The following RPH3A variants were observed in gnomAD, a reference collection of about 807,000 sequenced individuals.
The protein encoded by RPH3A is rabphilin 3A.
In RPH3A, 48 loss-of-function variants were observed where a neutral mutation model predicts 102.2. The observed-to-expected ratio is 0.47, with a 90% CI of 0.37 to 0.60. The LOEUF is 0.60. Ranked by LOEUF, RPH3A falls within the 20% of genes least tolerant of loss-of-function variation. The probability of loss-of-function intolerance (pLI) is 0.00; values close to 1 mark genes in which losing one functional copy is unlikely to be tolerated. For synonymous variants in RPH3A, 310 were observed against 324.3 expected (o/e 0.96, Z 0.47); for missense variants, 781 against 910.1 (o/e 0.86, Z 1.83).
intron 1 of RPH3A, among the ~76,000 whole-genome samples, chr12:112,737,733 G>C (rs185048629): frequency 2.0e-5 from 3 of 152,258 alleles, no homozygotes; most frequent in South Asian, 2.1e-4. Context: ...CATAGACCCA[G>C]GGTTAAGGAC....
intron 1 of RPH3A, among the ~76,000 whole-genome samples, chr12:112,640,968 G>GAAAT (rs2039885796): frequency 6.6e-6 from 1 of 152,104 alleles, no homozygotes; most frequent in Non-Finnish European, 1.5e-5. Flanking sequence ...TGTGTGTCTG[G>GAAAT]GGCATGGAAA....
chr12:112,668,026 C>A (rs2040100107), intron 1 of RPH3A, among the ~76,000 whole-genome samples: 1 of 152,224 alleles, frequency 6.6e-6, no homozygotes, highest in African/African-American at 2.4e-5. Context: ...GAAGTCTTCT[C>A]TGACTTCCCT....
intron 18 of RPH3A, 111 bp downstream of exon 18, chr12:112,890,191 A>AC: frequency 3.2e-6 from 3 of 938,924 alleles, no homozygotes; most frequent in Middle Eastern, 3.3e-4. Flanking sequence ...TCTTCCAACC[A>AC]CCCCCCTGTT....
chr12:112,792,943 C>T (rs763057310), intron 2 of RPH3A, among the ~76,000 whole-genome samples: 35 of 152,020 alleles, frequency 2.3e-4, no homozygotes, highest in South Asian at 6.3e-4. Flanking sequence ...TCACAGGTGG[C>T]GTAACCTGTA....
chr12:112,663,423 A>G (rs1053690475), intron 1 of RPH3A, among the ~76,000 whole-genome samples: 2 of 152,044 alleles, frequency 1.3e-5, no homozygotes, highest in African/African-American at 4.8e-5. Context: ...CATGTTGCCC[A>G]GGATGGTCTT....
rs529540858 is a variant in RPH3A, at chr12:112,797,521, C to T, written c.-19+5258C>T. On this transcript the variant is annotated intron_variant, in intron 2 of 21. Transcript: ENST00000389385. ...GGAGTGTGACCTGGATTTAGCATGT[C>T]GCTCCCATTCCCTGCTAACCTCAGA... Among the ~76,000 whole-genome samples, 9 of 152,070 alleles carry T rather than the reference C, an allele frequency of 5.9e-5. No homozygotes were observed. The South Asian group carries it at 6.3e-4, about 11-fold the overall frequency.
intron 1 of RPH3A, among the ~76,000 whole-genome samples, chr12:112,662,841 G>A (rs1478013947): frequency 6.6e-6 from 1 of 151,600 alleles, no homozygotes. Context: ...TTACAGTCCT[G>A]TTAATCATGG....
rs143619518 is a variant in RPH3A at position 112,867,245 on chromosome 12, T to C, written c.444+405T>C. Among the ~76,000 whole-genome samples the C allele has an allele frequency of 3.5e-3, 539 of 152,260 alleles. 3 individuals carry two copies. The highest frequency in any genetic ancestry group is 0.012 in the African/African-American group (483 of 41,544). On this transcript the variant is annotated intron_variant, in intron 7 of 21. Coordinates refer to ENST00000389385, the MANE Select transcript of RPH3A (RefSeq NM_001143854.2). ...TTCTCCCCTTTCCTCATTTTGTTAT[T>C]TCTCACATCTTCACACCCTTTTCTC...
Position 112,876,784 on chromosome 12 carries a change from C to T in RPH3A, c.1089C>T (p.Ala363=). Residue 363 remains alanine (A), a synonymous_variant, in exon 13 of 22, where the codon GCC becomes GCT. Coordinates refer to ENST00000389385, the MANE Select transcript of RPH3A (RefSeq NM_001143854.2). ...SGPYSQASAA[A]PQPAAARQPP... ...CCTATTCCCAAGCATCTGCAGCTGC[C>T]CCCCAGCCTGCTGCAGCCCGCCAGC... is the stretch of plus-strand genomic sequence containing the variant. The T allele has an allele frequency of 6.2e-7, 1 of 1,610,842 alleles. No individual in the cohort carries two copies. Among genetic ancestry groups the T allele is most frequent in the Non-Finnish European group, 8.5e-7 (1 of 1,178,604 alleles).
chr12:112,745,191 C>T (rs2040735971), intron 1 of RPH3A, among the ~76,000 whole-genome samples: 2 of 152,146 alleles, frequency 1.3e-5, no homozygotes, highest in African/African-American at 4.8e-5. Context: ...TCAGGTTGTG[C>T]ATTTTTGGCA....
At chr12:112,863,564 A>C (rs570211566) in intron 5 of RPH3A, among the ~76,000 whole-genome samples, 1 of 152,328 alleles carries the variant, frequency 6.6e-6, no homozygotes, top group East Asian at 1.9e-4. Flanking sequence ...AGGTAATCCA[A>C]CAACTTGGCC....
rs2041491559 is a variant in RPH3A, at chr12:112,807,473, T to C, written c.-19+15210T>C. On this transcript the variant is annotated intron_variant, in intron 2 of 21. Coordinates refer to ENST00000389385, the MANE Select transcript of RPH3A (RefSeq NM_001143854.2). ...AGTAGAGGAAGGGGGTAGAAATAAT[T>C]GCTCATCTATCTGTGTTCAGGTTCC... Among the ~76,000 whole-genome samples the C allele has an allele frequency of 2.6e-5, 4 of 152,252 alleles. No individual in the cohort carries two copies. In the South Asian group the frequency reaches 8.3e-4, roughly 32 times the overall value.
intron 1 of RPH3A, among the ~76,000 whole-genome samples, chr12:112,736,612 G>T (rs1326655814): frequency 6.6e-6 from 1 of 152,174 alleles, no homozygotes; most frequent in East Asian, 1.9e-4. Context: ...TAAGAACAGT[G>T]ACCACCTCAT....
intron 2 of RPH3A, among the ~76,000 whole-genome samples, chr12:112,816,052 G>A (rs968456642): frequency 1.3e-5 from 2 of 152,168 alleles, no homozygotes; most frequent in Admixed American, 1.3e-4. Flanking sequence ...AAAGTTTTGG[G>A]TTCCCCTATC....
chr12:112,673,961 G>A (rs1192101976), intron 1 of RPH3A, among the ~76,000 whole-genome samples: 1 of 152,144 alleles, frequency 6.6e-6, no homozygotes, highest in African/African-American at 2.4e-5. Context: ...TTCTTGTTAT[G>A]TTGTCCAGAC....
At chr12:112,820,934 G>A (rs1000553145) in intron 2 of RPH3A, among the ~76,000 whole-genome samples, 7 of 152,208 alleles carry the variant, frequency 4.6e-5, no homozygotes, top group Admixed American at 3.3e-4. Context: ...GACCTCCCAG[G>A]CCTGTCTCTG....
chr12:112,610,173 T>C (rs1430728801), intron 1 of RPH3A, among the ~76,000 whole-genome samples: 1 of 152,160 alleles, frequency 6.6e-6, no homozygotes, highest in Non-Finnish European at 1.5e-5. Flanking sequence ...GTGCCTCTCC[T>C]CCTTCTGGTT....
chr12:112,620,984 A>T (rs1034027750), intron 1 of RPH3A, among the ~76,000 whole-genome samples: 13 of 150,894 alleles, frequency 8.6e-5, no homozygotes, highest in African/African-American at 2.4e-5. Context: ...TAGTTCCCAC[A>T]TATCTTCCTA....
intron 1 of RPH3A, among the ~76,000 whole-genome samples, chr12:112,680,160 G>A (rs1012186311): frequency 1.3e-5 from 2 of 152,186 alleles, no homozygotes; most frequent in African/African-American, 4.8e-5. Flanking sequence ...AGCCTGGAGC[G>A]GTGAGCAGGG....
Sources: allele counts gnomAD v4.1 joint callset (sites outside exome capture counted in the v4.1 genomes callset), GRCh38; gene constraint gnomAD v4.1.1; transcripts MANE v1.5; gene names NCBI Gene and HGNC (gene_info 2026-07-23, HGNC 2026-07-21).